ROBO2: variants seen among roughly 807,000 people sequenced by gnomAD.
ROBO2 encodes roundabout homolog 2.
A neutral mutation model predicts 160.8 loss-of-function variants in ROBO2; 53 were observed. The observed-to-expected ratio is 0.33, with a 90% CI of 0.26 to 0.41. The LOEUF (loss-of-function observed/expected upper bound fraction) is 0.41, where lower values mean the gene tolerates loss of function less well. Among genes scored for constraint, ROBO2 ranks in the 10% least tolerant of loss-of-function variants. The probability of loss-of-function intolerance (pLI) is 1.00; values close to 1 mark genes in which losing one functional copy is unlikely to be tolerated. For synonymous variants in ROBO2, 664 were observed against 611.7 expected, an observed-to-expected ratio of 1.09 and a Z score of -1.26; for missense variants, 1,577 against 1,722.4, an observed-to-expected ratio of 0.92 and a Z score of 1.49.
intron 2 of ROBO2, among the ~76,000 whole-genome samples, chr3:76,956,789 C>A (rs1164700134): frequency 6.6e-6 from 1 of 151,970 alleles, no homozygotes; most frequent in Non-Finnish European, 1.5e-5. Flanking sequence ...TCCCAGGGCC[C>A]AACCTCAGAA....
intron 2 of ROBO2, among the ~76,000 whole-genome samples, chr3:76,479,875 G>A (rs1203600418): frequency 5.9e-5 from 9 of 152,280 alleles, no homozygotes; most frequent in Non-Finnish European, 1.5e-5. Flanking sequence ...TTTGCATTAA[G>A]CAACCATACG....
chr3:77,403,433 A>C (rs2075985566), intron 2 of ROBO2, among the ~76,000 whole-genome samples: 1 of 152,094 alleles, frequency 6.6e-6, no homozygotes, highest in South Asian at 2.1e-4. Flanking sequence ...CACTGTTTAG[A>C]GTCCATGTGT....
chr3:77,446,491 A>C (rs536585598), intron 2 of ROBO2, among the ~76,000 whole-genome samples: 1 of 152,240 alleles, frequency 6.6e-6, no homozygotes, highest in South Asian at 2.1e-4. Context: ...AAAGTACATC[A>C]AAATAAGTAT....
chr3:75,999,221 C>T (rs2065814886), intron 2 of ROBO2, among the ~76,000 whole-genome samples: 1 of 152,166 alleles, frequency 6.6e-6, no homozygotes, highest in African/African-American at 2.4e-5. Flanking sequence ...GCCTCTGACA[C>T]ATTGAAATTC....
At chr3:76,061,777 A>G (rs574087619) in intron 2 of ROBO2, among the ~76,000 whole-genome samples, 13 of 152,074 alleles carry the variant, frequency 8.5e-5, no homozygotes, top group Non-Finnish European at 1.8e-4. Flanking sequence ...TAGAAATTCA[A>G]CAAGGGTCTC....
chr3:76,297,839 G>A (rs1262074087), intron 2 of ROBO2, among the ~76,000 whole-genome samples: 2 of 151,924 alleles, frequency 1.3e-5, no homozygotes, highest in African/African-American at 4.8e-5. Flanking sequence ...TTTCAATCTA[G>A]TGCTCTAGTT....
intron 2 of ROBO2, among the ~76,000 whole-genome samples, chr3:76,222,021 A>G (rs146224744): frequency 0.026 from 4,006 of 152,182 alleles, 45 homozygotes; most frequent in Middle Eastern, 0.044. Context: ...TGGGATCACA[A>G]TGTGGTCTCT....
At chr3:76,612,602 C>G (rs2088220790) in intron 2 of ROBO2, among the ~76,000 whole-genome samples, 1 of 152,084 alleles carries the variant, frequency 6.6e-6, no homozygotes, top group Admixed American at 6.6e-5. Flanking sequence ...GCATGTGGGG[C>G]TTAAAACCTA....
chr3:76,765,048 C>G (rs1016235832), intron 2 of ROBO2, among the ~76,000 whole-genome samples: 4 of 151,634 alleles, frequency 2.6e-5, no homozygotes, highest in Non-Finnish European at 5.9e-5. Flanking sequence ...TTTTTCAACC[C>G]TCATCCCTCT....
chr3:77,448,367 C>A (rs1212002180), intron 2 of ROBO2, among the ~76,000 whole-genome samples: 1 of 152,132 alleles, frequency 6.6e-6, no homozygotes, highest in African/African-American at 2.4e-5. Flanking sequence ...ACAAGGCCAC[C>A]TTTGGCCATT....
At chr3:76,930,297 A>C (rs1188934868) in intron 2 of ROBO2, among the ~76,000 whole-genome samples, 1 of 152,102 alleles carries the variant, frequency 6.6e-6, no homozygotes, top group Non-Finnish European at 1.5e-5. Flanking sequence ...GTGAGTCACC[A>C]TGCCCGGCCT....
At chr3:76,664,606 A>G (rs2091953100) in intron 2 of ROBO2, among the ~76,000 whole-genome samples, 1 of 152,144 alleles carries the variant, frequency 6.6e-6, no homozygotes. Context: ...GCTTCAGGTC[A>G]CTCAGGTTAA....
chr3:76,431,053 TTAAA>T (rs1182896483), intron 2 of ROBO2, among the ~76,000 whole-genome samples: 2 of 152,076 alleles, frequency 1.3e-5, no homozygotes, highest in African/African-American at 4.8e-5. Context: ...GTTTTGTTCA[TTAAA>T]TAACTCAGCA....
chr3:76,271,982 G>C (rs1277360958), intron 2 of ROBO2, among the ~76,000 whole-genome samples: 1 of 151,954 alleles, frequency 6.6e-6, no homozygotes. Context: ...TTTCTGATAT[G>C]TATCATTTAA....
chr3:77,594,673 A>G (rs1321326474), intron 17 of ROBO2, among the ~76,000 whole-genome samples: 6 of 152,188 alleles, frequency 3.9e-5, no homozygotes, highest in African/African-American at 7.2e-5. Flanking sequence ...TCTGTAGTCA[A>G]TAAGTATTTG....
At chr3:76,689,448 C>T (rs1298529283) in intron 2 of ROBO2, among the ~76,000 whole-genome samples, 1 of 152,054 alleles carries the variant, frequency 6.6e-6, no homozygotes, top group Non-Finnish European at 1.5e-5. Flanking sequence ...ATTTTTCCAT[C>T]ATCTCAACAT....
chr3:76,570,911 T>C (rs1318227937), intron 2 of ROBO2, among the ~76,000 whole-genome samples: 2 of 152,196 alleles, frequency 1.3e-5, no homozygotes, highest in Non-Finnish European at 2.9e-5. Flanking sequence ...AATCAGGAAA[T>C]ATCTGTTAAT....
chr3:77,456,081 T>C (rs1212987895), intron 2 of ROBO2, among the ~76,000 whole-genome samples: 5 of 152,208 alleles, frequency 3.3e-5, no homozygotes, highest in Non-Finnish European at 7.3e-5. Context: ...CTTGAATTCT[T>C]AGCATCCTAT....
chr3:76,980,943 T>C (rs2060067252), intron 2 of ROBO2, among the ~76,000 whole-genome samples: 1 of 152,206 alleles, frequency 6.6e-6, no homozygotes, highest in Non-Finnish European at 1.5e-5. Context: ...AATATCATCT[T>C]GTCCTTTATC....
Sources: gnomAD v4.1 joint callset for allele counts (sites outside exome capture counted in the v4.1 genomes callset) on GRCh38, gnomAD v4.1.1 for gene constraint, MANE v1.5 for transcripts, NCBI Gene and HGNC (gene_info 2026-07-23, HGNC 2026-07-21) for gene names.